The following VCL variants were observed in gnomAD, a reference collection of about 807,000 sequenced individuals.
VCL encodes the protein vinculin, also known as epididymis luminal protein 114.
In VCL, 47 loss-of-function variants were observed where a neutral mutation model predicts 125.7. The observed-to-expected ratio is 0.37, with a 90% CI of 0.30 to 0.48. The LOEUF is 0.48. VCL is among the 20% of genes least tolerant of loss of function. VCL has a pLI of 0.99. For synonymous variants in VCL, 458 were observed against 514.6 expected (o/e 0.89, Z 1.49); for missense variants, 1,069 against 1,455.5 (o/e 0.73, Z 4.32).
At chr10:73,999,708 A>G (rs1840191407) in intron 1 of VCL, among the ~76,000 whole-genome samples, 1 of 152,156 alleles carries the variant, frequency 6.6e-6, no homozygotes, top group Non-Finnish European at 1.5e-5. Context: ...TGTCTCAAGC[A>G]ATTTAGGAGA....
chr10:74,114,421 G>C (rs1321143427), intron 20 of VCL, 34 bp downstream of exon 20: 1 of 1,583,314 alleles, frequency 6.3e-7, no homozygotes, highest in African/African-American at 1.4e-5. Context: ...GTGTGTGTGT[G>C]TGTGTGTGTG....
At chr10:74,061,753 A>G (rs1213784132) in intron 2 of VCL, among the ~76,000 whole-genome samples, 1 of 152,074 alleles carries the variant, frequency 6.6e-6, no homozygotes. Context: ...CTTTATTGCT[A>G]TGACTTCAAT....
intron 1 of VCL, among the ~76,000 whole-genome samples, chr10:74,020,463 G>T (rs1840639466): frequency 6.6e-6 from 1 of 152,148 alleles, no homozygotes; most frequent in Admixed American, 6.6e-5. Context: ...CATAAGGAAA[G>T]GGCTTGAATT....
chr10:74,023,565 GC>G (rs1388885598), intron 1 of VCL, among the ~76,000 whole-genome samples: 2 of 152,112 alleles, frequency 1.3e-5, no homozygotes, highest in Non-Finnish European at 2.9e-5. Flanking sequence ...TATTCCTTTT[GC>G]CTAACTGGGA....
At chr10:74,014,995 A>G (rs1591651294) in intron 1 of VCL, among the ~76,000 whole-genome samples, 1 of 152,282 alleles carries the variant, frequency 6.6e-6, no homozygotes, top group Non-Finnish European at 1.5e-5. Context: ...CAGCTTATCA[A>G]ATATTTAATG....
chr10:74,091,236 A>G (rs896914898), intron 10 of VCL, among the ~76,000 whole-genome samples: 7 of 152,220 alleles, frequency 4.6e-5, no homozygotes, highest in African/African-American at 1.4e-4. Flanking sequence ...ATGGAAGTCC[A>G]TATACATACT....
intron 2 of VCL, among the ~76,000 whole-genome samples, chr10:74,045,883 A>G (rs1197539331): frequency 6.6e-6 from 1 of 152,126 alleles, no homozygotes; most frequent in Non-Finnish European, 1.5e-5. Flanking sequence ...ATTATATTAT[A>G]CATATGTTTA....
chr10:74,056,940 A>G lies in VCL; in HGVS notation c.240-13730A>G, dbSNP rs112120772. Among the ~76,000 whole-genome samples, 40 of 152,106 alleles carry G rather than the reference A, an allele frequency of 2.6e-4. 1 individual carries two copies. Among genetic ancestry groups the G allele is most frequent in the African/African-American group, 8.7e-4 (36 of 41,520 alleles). On this transcript the variant is annotated intron_variant, in intron 2 of 21. Coordinates refer to ENST00000211998, the MANE Select transcript of VCL (RefSeq NM_014000.3). ...CACATATATTATTTTCTAAATTATT[A>G]TTATTTAAAATTTTCTTAAAGATGG...
At chr10:74,019,579 G>C (rs1277280137) in intron 1 of VCL, among the ~76,000 whole-genome samples, 1 of 152,192 alleles carries the variant, frequency 6.6e-6, no homozygotes, top group East Asian at 1.9e-4. Flanking sequence ...GAGGTAGTAA[G>C]AGCTGCCTTC....
At chr10:74,107,457 G>GCTTCATTTAGCTTCA in intron 17 of VCL, 103 bp downstream of exon 17, 1 of 1,576,484 alleles carries the variant, frequency 6.3e-7, no homozygotes, top group Non-Finnish European at 8.7e-7. Context: ...AGGTGGCTTC[G>GCTTCATTTAGCTTCA]TTTAGCTTTC....
chr10:74,075,147 T>A, intron 6 of VCL: 1 of 507,112 alleles, frequency 2.0e-6, no homozygotes, highest in Non-Finnish European at 3.5e-6. Context: ...AGGCTGAGAT[T>A]TATAGCTTTT....
intron 6 of VCL, among the ~76,000 whole-genome samples, chr10:74,081,739 C>T (rs762899311): frequency 2.6e-5 from 4 of 152,108 alleles, no homozygotes; most frequent in Non-Finnish European, 5.9e-5. Context: ...TGATAGTCCT[C>T]GTGAATCCTG....
intron 1 of VCL, among the ~76,000 whole-genome samples, chr10:74,033,729 A>G (rs1408126789): frequency 6.6e-6 from 1 of 152,166 alleles, no homozygotes; most frequent in African/African-American, 2.4e-5. Context: ...CGGTAAGTGA[A>G]CTGAGGAACC....
chr10:74,107,324 G>A lies in VCL; in HGVS notation c.2529G>A (p.Pro843=), dbSNP rs1591714816. ...TCCAACCTCAGGAGCCTGACTTCCC[G>A]CCGCCTCCACCAGACCTTGAACAAC... ...EAFQPQEPDF[P]PPPPDLEQLR... Residue 843 remains proline (P), a synonymous_variant, in exon 17 of 22, where the codon CCG becomes CCA. Transcript: ENST00000211998. The A allele has an allele frequency of 2.5e-6, 4 of 1,614,150 alleles. No individual in the cohort carries two copies. Among genetic ancestry groups the A allele is most frequent in the Non-Finnish European group, 2.5e-6 (3 of 1,180,022 alleles).
intron 2 of VCL, among the ~76,000 whole-genome samples, chr10:74,051,361 C>T (rs1230033018): frequency 6.6e-6 from 1 of 152,066 alleles, no homozygotes. Context: ...CTCAGCTTCC[C>T]GAGTAGCTGG....
chr10:74,109,652 C>A (rs560760387), intron 18 of VCL, among the ~76,000 whole-genome samples: 84 of 151,512 alleles, frequency 5.5e-4, no homozygotes, highest in African/African-American at 1.9e-3. Context: ...AATCATTTCA[C>A]CTGTCAACTC....
At chr10:74,113,303 T>G (rs1369216804) in intron 19 of VCL, among the ~76,000 whole-genome samples, 1 of 152,220 alleles carries the variant, frequency 6.6e-6, no homozygotes, top group Non-Finnish European at 1.5e-5. Context: ...AGGGTTTTAG[T>G]AAACCAAAAT....
At chr10:74,075,690 G>A (rs1839574671) in intron 6 of VCL, 1 of 144,422 alleles carries the variant, frequency 6.9e-6, no homozygotes, top group South Asian at 2.1e-4. Context: ...TCCCATGTGT[G>A]ACCCCAATGT....
intron 10 of VCL, among the ~76,000 whole-genome samples, chr10:74,093,556 A>G (rs1839921715): frequency 6.6e-6 from 1 of 152,206 alleles, no homozygotes; most frequent in Non-Finnish European, 1.5e-5. Flanking sequence ...TGGGAGGCCC[A>G]GGTGGTAGGA....
Sources: allele counts gnomAD v4.1 joint callset (sites outside exome capture counted in the v4.1 genomes callset), GRCh38; gene constraint gnomAD v4.1.1; transcripts MANE v1.5; gene names NCBI Gene and HGNC (gene_info 2026-07-23, HGNC 2026-07-21).